MYOZ2: variants seen among roughly 807,000 people sequenced by gnomAD.
MYOZ2 encodes myozenin-2.
Under a neutral mutation model 25.4 loss-of-function variants are expected in MYOZ2, and 19 were observed. The observed-to-expected ratio is 0.75, with a 90% confidence interval of 0.52 to 1.10. The LOEUF (loss-of-function observed/expected upper bound fraction) is 1.10, where lower values mean the gene tolerates loss of function less well. MYOZ2 is among the 50% of genes least tolerant of loss of function. The pLI, the probability that MYOZ2 is intolerant of heterozygous loss-of-function variation, is 0.00. For missense variants in MYOZ2, 270 were observed against 317.9 expected (o/e 0.85, Z 1.15); for synonymous variants, 92 against 106.9 (o/e 0.86, Z 0.86).
At position 119,186,101 on chromosome 4, in the gene MYOZ2, T is replaced by A. The variant is rs1420740794; in HGVS notation, c.696T>A (p.Phe232Leu). The A allele has an allele frequency of 6.2e-7, 1 of 1,614,044 alleles. No homozygotes were observed. Among genetic ancestry groups the A allele is most frequent in the Non-Finnish European group, 8.5e-7 (1 of 1,179,954 alleles). Residue 232 changes from phenylalanine (F) to leucine (L), a missense_variant, in exon 6 of 6, where the codon TTT (phenylalanine) becomes TTA (leucine). Phe to Leu is a conservative substitution (Grantham distance 22, BLOSUM62 0). Coordinates refer to ENST00000307128, the MANE Select transcript of MYOZ2 (RefSeq NM_016599.5). The part of the protein sequence containing the change: ...FVNPLSGRRS[F>L]NRTPKGWISE... ...ATCCCCTTTCTGGCAGACGGTCCTT[T>A]AATAGGACTCCTAAGGGATGGATAT...
rs370237979 is a variant in MYOZ2 at position 119,158,105 on chromosome 4, C to T, written c.330C>T (p.Asn110=). 3 of 1,613,944 alleles carry T rather than the reference C, an allele frequency of 1.9e-6. No homozygotes were observed. The highest frequency in any genetic ancestry group is 1.3e-5 in the African/African-American group (1 of 74,896). Residue 110 remains asparagine (N), a synonymous_variant, in exon 4 of 6, where the codon AAC becomes AAT. Coordinates refer to ENST00000307128, the MANE Select transcript of MYOZ2 (RefSeq NM_016599.5). ...GSQQAPLTPP[N]TPDPRSPPNP... ...AGCAAGCCCCCTTGACTCCTCCCAA[C>T]ACCCCAGATCCACGAAGCCCTCCAA... is the stretch of plus-strand genomic sequence containing the variant.
At chr4:119,142,594 T>C (rs1468465671) in intron 2 of MYOZ2, among the ~76,000 whole-genome samples, 1 of 152,232 alleles carries the variant, frequency 6.6e-6, no homozygotes, top group African/African-American at 2.4e-5. Context: ...CTGTTTTTCT[T>C]ATGCCTTTTC....
intron 2 of MYOZ2, among the ~76,000 whole-genome samples, chr4:119,140,275 T>C (rs534293486): frequency 1.3e-5 from 2 of 152,348 alleles, no homozygotes; most frequent in East Asian, 3.9e-4. Context: ...AAAGATTACA[T>C]GAAGACCGCT....
intron 5 of MYOZ2, among the ~76,000 whole-genome samples, chr4:119,166,501 C>A (rs1331809086): frequency 2.2e-5 from 3 of 138,202 alleles, no homozygotes; most frequent in Non-Finnish European, 4.9e-5. Flanking sequence ...GGGAGAGAGA[C>A]CCTGTCTCAA....
At chr4:119,173,960 C>G (rs1390048719) in intron 5 of MYOZ2, among the ~76,000 whole-genome samples, 2 of 152,204 alleles carry the variant, frequency 1.3e-5, no homozygotes, top group Non-Finnish European at 2.9e-5. Flanking sequence ...TACTGGGTCC[C>G]CCAGCAGTGC....
At chr4:119,157,856 G>T (rs1741615929) in intron 3 of MYOZ2, among the ~76,000 whole-genome samples, 166 bp from the exon 4 acceptor site, 1 of 152,098 alleles carries the variant, frequency 6.6e-6, no homozygotes, top group Non-Finnish European at 1.5e-5. Context: ...TCTCATTCAA[G>T]TGCGCAACCA....
intron 5 of MYOZ2, among the ~76,000 whole-genome samples, chr4:119,169,524 T>C (rs1578741488): frequency 1.3e-5 from 2 of 152,324 alleles, no homozygotes; most frequent in African/African-American, 4.8e-5. Context: ...TGGTTTAAAA[T>C]CTACCAAGGA....
intron 5 of MYOZ2, among the ~76,000 whole-genome samples, chr4:119,176,684 A>C (rs1485045609): frequency 6.6e-6 from 1 of 152,222 alleles, no homozygotes; most frequent in Non-Finnish European, 1.5e-5. Context: ...TGAATCATCT[A>C]CTGTGTAAGA....
Position 119,160,025 on chromosome 4 carries a change from A to C in MYOZ2, c.376+1874A>C, listed in dbSNP as rs543006574. 4.7e-4 allele frequency among the ~76,000 whole-genome samples: 72 copies of C among 152,340 alleles called. 1 individual carries two copies. The South Asian group carries it at 0.014, about 31-fold the overall frequency. On this transcript the variant is annotated intron_variant, in intron 4 of 5. Coordinates refer to ENST00000307128, the MANE Select transcript of MYOZ2 (RefSeq NM_016599.5). ...AAAGAAATAAGGTTTAGAATCAGAC[A>C]GATCTGGGTTCAACCCTATGGCTCT...
chr4:119,154,509 A>G (rs1741526238), intron 3 of MYOZ2, among the ~76,000 whole-genome samples: 1 of 152,116 alleles, frequency 6.6e-6, no homozygotes, highest in Non-Finnish European at 1.5e-5. Flanking sequence ...GACTAATGAG[A>G]AAGAGTTGAT....
At chr4:119,164,915 A>G (rs1741788568) in intron 5 of MYOZ2, among the ~76,000 whole-genome samples, 1 of 151,946 alleles carries the variant, frequency 6.6e-6, no homozygotes, top group African/African-American at 2.4e-5. Context: ...AAATATCACC[A>G]AATGATATCT....
At chr4:119,172,808 A>C (rs1464518338) in intron 5 of MYOZ2, among the ~76,000 whole-genome samples, 1 of 152,212 alleles carries the variant, frequency 6.6e-6, no homozygotes, top group Non-Finnish European at 1.5e-5. Flanking sequence ...GCCTATTCCT[A>C]GGAAAGGAAG....
chr4:119,167,009 C>T (rs1421627768), intron 5 of MYOZ2, among the ~76,000 whole-genome samples: 1 of 152,128 alleles, frequency 6.6e-6, no homozygotes, highest in Non-Finnish European at 1.5e-5. Flanking sequence ...ATTAATAACC[C>T]TATAGTAGCC....
In MYOZ2 at chr4:119,186,053, T is replaced by G. The variant is rs1441693670; in HGVS notation, c.648T>G (p.Asp216Glu). Residue 216 changes from aspartate to glutamate, a missense_variant, in exon 6 of 6, where the codon GAT becomes GAG. Asp to Glu is a conservative substitution (Grantham distance 45). Transcript: ENST00000307128. ...ATTTTGAGCTACTATTGCTAACAGATCCCAGGTTTATGTCCTTTGTCAATC... is the reference window on the plus strand; with the variant it reads ...ATTTTGAGCTACTATTGCTAACAGAGCCCAGGTTTATGTCCTTTGTCAATC... ...VPDFELLLLT[D>E]PRFMSFVNPL... is the part of the protein sequence containing the mutation. The G allele has an allele frequency of 6.2e-7, 1 of 1,614,076 alleles. No homozygotes were observed. The highest frequency in any genetic ancestry group is 1.7e-5 in the Admixed American group (1 of 60,024).
At chr4:119,138,439 G>T (rs772817260) in intron 2 of MYOZ2, among the ~76,000 whole-genome samples, 38 of 152,254 alleles carry the variant, frequency 2.5e-4, no homozygotes, top group Middle Eastern at 6.8e-3. Flanking sequence ...ATAGCATGAT[G>T]TTTAGAGATC....
rs749001672 is a variant in MYOZ2 at position 119,168,705 on chromosome 4, AACAAC to A, written c.560+4313_560+4317del. 2.1e-3 allele frequency among the ~76,000 whole-genome samples: 319 copies of A among 152,200 alleles called. 2 individuals are homozygous for A. Among genetic ancestry groups the A allele is most frequent in the African/African-American group, 7.3e-3 (301 of 41,514 alleles). On this transcript the variant is annotated intron_variant, in intron 5 of 5. Coordinates refer to ENST00000307128, the MANE Select transcript of MYOZ2 (RefSeq NM_016599.5). ...ACAAAACAACAACAACAACAACAAC[AACAAC>A]AAAAAACCACCTGAGCAGATCAGGA...
intron 2 of MYOZ2, among the ~76,000 whole-genome samples, chr4:119,141,539 C>T (rs576266414): frequency 1.4e-4 from 21 of 152,198 alleles, no homozygotes; most frequent in Admixed American, 3.9e-4. Flanking sequence ...CCTGCCACTA[C>T]GCTTGGCTAA....
chr4:119,138,708 C>T (rs1291257466), intron 2 of MYOZ2, among the ~76,000 whole-genome samples: 1 of 152,122 alleles, frequency 6.6e-6, no homozygotes, highest in Non-Finnish European at 1.5e-5. Flanking sequence ...TCTCCTTTCC[C>T]CTTGTGCATC....
At position 119,186,509 on chromosome 4, in the gene MYOZ2, T is replaced by G; in HGVS notation, c.*309T>G. 1 of 343,250 alleles carries G rather than the reference T, an allele frequency of 2.9e-6. No homozygotes were observed. Among genetic ancestry groups the G allele is most frequent in the Non-Finnish European group, 5.4e-6 (1 of 184,888 alleles). 21.3% of individuals were successfully genotyped at this position (343,250 alleles called of 1,614,324 possible). On this transcript the variant is annotated 3_prime_UTR_variant, in exon 6 of 6. Coordinates refer to ENST00000307128, the MANE Select transcript of MYOZ2 (RefSeq NM_016599.5). The stretch of plus-strand genomic sequence containing the variant: ...TTGACAGTTTCACCTTTGTCTCATT[T>G]TATATGATTTATTACAGTGTAAGTT...
Sources: gnomAD v4.1 joint callset for allele counts (sites outside exome capture counted in the v4.1 genomes callset) on GRCh38, gnomAD v4.1.1 for gene constraint, MANE v1.5 for transcripts, NCBI Gene and HGNC (gene_info 2026-07-23, HGNC 2026-07-21) for gene names.